SND1: variants seen among roughly 807,000 people sequenced by gnomAD.
The protein encoded by SND1 is staphylococcal nuclease and tudor domain containing 1, also known as staphylococcal nuclease domain-containing protein 1.
A neutral mutation model predicts 121.7 loss-of-function variants in SND1; 38 were observed. The ratio of observed to expected loss-of-function variants is 0.31; its 90% CI spans 0.24 to 0.41. The LOEUF (loss-of-function observed/expected upper bound fraction) is 0.41. SND1 is among the 10% of genes least tolerant of loss of function. The pLI is 1.00. For synonymous variants in SND1, 401 were observed against 447.4 expected, an observed-to-expected ratio of 0.90 and a Z score of 1.31; for missense variants, 868 against 1,184.6, an observed-to-expected ratio of 0.73 and a Z score of 3.92.
rs150493327 is a variant in SND1, at chr7:127,799,681, C to T, written c.1153-7803C>T. 9.8e-5 allele frequency among the ~76,000 whole-genome samples: 15 copies of T among 152,318 alleles called. No homozygotes were observed. In the East Asian group the frequency reaches 2.9e-3, roughly 29 times the overall value. ...ATTGTTTTCCATTTCGTCTTTGCTT[C>T]CTGGAAGATATGCTAAATGTATTGC... On this transcript the variant is annotated intron_variant, in intron 10 of 23. Coordinates refer to ENST00000354725, the MANE Select transcript of SND1 (RefSeq NM_014390.4).
At chr7:128,027,835 G>GCCT (rs1204553852) in intron 16 of SND1, 1 of 152,062 alleles carries the variant, frequency 6.6e-6, no homozygotes, top group Non-Finnish European at 1.5e-5. Flanking sequence ...CCCTTCAGGG[G>GCCT]CCTCCTCCTC....
At chr7:127,893,768 C>T (rs559791398) in intron 13 of SND1, among the ~76,000 whole-genome samples, 1 of 152,188 alleles carries the variant, frequency 6.6e-6, no homozygotes, top group South Asian at 2.1e-4. Flanking sequence ...GTGGTGTCAT[C>T]CATCTTTGAG....
At chr7:127,702,247 A>G (rs1177853902) in intron 5 of SND1, among the ~76,000 whole-genome samples, 188 bp from the exon 6 acceptor site, 1 of 152,224 alleles carries the variant, frequency 6.6e-6, no homozygotes, top group African/African-American at 2.4e-5. Flanking sequence ...TGCATTCTCC[A>G]GGAATCATTT....
chr7:127,758,885 C>T (rs1288569580), intron 10 of SND1, among the ~76,000 whole-genome samples: 2 of 152,030 alleles, frequency 1.3e-5, no homozygotes, highest in African/African-American at 2.4e-5. Context: ...GAAACCGTAT[C>T]TCTACAAAAA....
At chr7:128,047,940 C>T (rs1237477980) in intron 16 of SND1, among the ~76,000 whole-genome samples, 9 of 150,816 alleles carry the variant, frequency 6.0e-5, no homozygotes, top group African/African-American at 1.5e-4. Context: ...CTCGGCCTCC[C>T]GGGTTCAAAC....
At chr7:127,677,411 G>C (rs1325037382) in intron 1 of SND1, among the ~76,000 whole-genome samples, 1 of 152,184 alleles carries the variant, frequency 6.6e-6, no homozygotes, top group Admixed American at 6.5e-5. Context: ...ATATACTGCA[G>C]CTCCTTCTCT....
chr7:127,664,750 CT>C (rs1795383514), intron 1 of SND1, among the ~76,000 whole-genome samples: 1 of 152,038 alleles, frequency 6.6e-6, no homozygotes, highest in African/African-American at 2.4e-5. Context: ...TGGGATGGCA[CT>C]TTTGACTTGT....
intron 11 of SND1, among the ~76,000 whole-genome samples, chr7:127,825,486 CA>C (rs1351834901): frequency 6.6e-6 from 1 of 151,316 alleles, no homozygotes; most frequent in African/African-American, 2.4e-5. Flanking sequence ...TGGTTCACTA[CA>C]ACCTCTGCCT....
chr7:127,855,043 T>G (rs1250609295), intron 12 of SND1, among the ~76,000 whole-genome samples: 1 of 151,760 alleles, frequency 6.6e-6, no homozygotes, highest in African/African-American at 2.4e-5. Flanking sequence ...AATATAAAAT[T>G]TAGAAGCAGA....
At chr7:127,897,957 C>T (rs997003803) in intron 13 of SND1, among the ~76,000 whole-genome samples, 1 of 151,964 alleles carries the variant, frequency 6.6e-6, no homozygotes, top group African/African-American at 2.4e-5. Flanking sequence ...GAGTAATCTA[C>T]CTTCCTGAGG....
intron 12 of SND1, among the ~76,000 whole-genome samples, chr7:127,880,056 C>T (rs1036728034): frequency 5.3e-5 from 8 of 152,146 alleles, no homozygotes; most frequent in Non-Finnish European, 7.4e-5. Context: ...AAATAAACAA[C>T]GCATAAATTT....
At chr7:127,845,752 A>G (rs1799048669) in intron 12 of SND1, among the ~76,000 whole-genome samples, 1 of 152,158 alleles carries the variant, frequency 6.6e-6, no homozygotes, top group South Asian at 2.1e-4. Context: ...ACGTGTCTTT[A>G]TTTTTGGCAG....
chr7:127,686,736 CCTGATG>C lies in SND1; in HGVS notation c.204_209del (p.Asp69_Ala70del), dbSNP rs546884385. On this transcript the variant is annotated inframe_deletion, in exon 2 of 24. Transcript: ENST00000354725. Reference sequence around the variant, plus strand: ...TGCTCGCCGGGCAGCCGCCACACAACCTGATGCAAAGGATACCCCTGATGAGGTAGG... The same window carrying C: ...TGCTCGCCGGGCAGCCGCCACACAACCAAAGGATACCCCTGATGAGGTAGG... The C allele has an allele frequency of 3.7e-5, 60 of 1,614,040 alleles. No individual in the cohort carries two copies. The highest frequency in any genetic ancestry group is 5.0e-5 in the Non-Finnish European group (59 of 1,180,008).
Position 128,085,642 on chromosome 7 carries a change from T to C in SND1, c.2235-69T>C. Reference sequence around the variant, plus strand: ...GAAATGCTGTGCCCCTGCCCCGCCATTGCTGAGGCTCTGGGAGCCCAGAGT... The same window carrying C: ...GAAATGCTGTGCCCCTGCCCCGCCACTGCTGAGGCTCTGGGAGCCCAGAGT... On this transcript the variant is annotated intron_variant, in intron 19 of 23. Transcript: ENST00000354725. This position sits in a 1 kb window ranked among gnomAD's most constrained non-coding sequence, Gnocchi z 4.4. 3 of 1,395,764 alleles carry C rather than the reference T, an allele frequency of 2.1e-6. No individual in the cohort carries two copies. Among genetic ancestry groups the C allele is most frequent in the African/African-American group, 1.4e-5 (1 of 70,436 alleles). 86.5% of individuals were successfully genotyped at this position (1,395,764 alleles called of 1,614,324 possible). A position where few individuals can be genotyped will look rare whatever the true frequency, so the allele number is the denominator to read the frequency against.
At chr7:127,831,718 G>A (rs1176118490) in intron 11 of SND1, among the ~76,000 whole-genome samples, 1 of 152,146 alleles carries the variant, frequency 6.6e-6, no homozygotes, top group Non-Finnish European at 1.5e-5. Flanking sequence ...CTTGTGAGGA[G>A]GCTACTTTTT....
chr7:127,714,497 A>T (rs1416411332), intron 9 of SND1, among the ~76,000 whole-genome samples: 1 of 152,240 alleles, frequency 6.6e-6, no homozygotes, highest in African/African-American at 2.4e-5. Flanking sequence ...AAAATTCATA[A>T]CATAATATGT....
intron 11 of SND1, among the ~76,000 whole-genome samples, chr7:127,819,469 A>G (rs1466217306): frequency 6.6e-6 from 1 of 152,234 alleles, no homozygotes; most frequent in African/African-American, 2.4e-5. Flanking sequence ...ATTTCTAATC[A>G]GATTCTGACT....
intron 1 of SND1, among the ~76,000 whole-genome samples, chr7:127,679,823 C>G (rs962232895): frequency 3.9e-5 from 6 of 152,274 alleles, no homozygotes; most frequent in African/African-American, 1.4e-4. Context: ...TATTTTATCA[C>G]CAGTTACAGC....
chr7:127,772,884 A>G (rs1797540875), intron 10 of SND1, among the ~76,000 whole-genome samples: 1 of 152,206 alleles, frequency 6.6e-6, no homozygotes, highest in Non-Finnish European at 1.5e-5. Flanking sequence ...TTTTTGATAT[A>G]ATAGGTATAA....
Sources: allele counts gnomAD v4.1 joint callset (sites outside exome capture counted in the v4.1 genomes callset), GRCh38; gene constraint gnomAD v4.1.1; non-coding constraint Gnocchi (gnomAD v3.1); transcripts MANE v1.5; gene names NCBI Gene and HGNC (gene_info 2026-07-23, HGNC 2026-07-21).